The following EBF3 variants were observed in gnomAD, a reference collection of about 807,000 sequenced individuals.
The protein encoded by EBF3 is EBF transcription factor 3.
A neutral mutation model predicts 77.1 loss-of-function variants in EBF3; 18 were observed. The ratio of observed to expected loss-of-function variants is 0.23; its 90% CI spans 0.16 to 0.35. The LOEUF (loss-of-function observed/expected upper bound fraction) is 0.35, where lower values mean the gene tolerates loss of function less well. EBF3 is among the 10% of genes least tolerant of loss of function. The pLI, the probability that EBF3 is intolerant of heterozygous loss-of-function variation, is 1.00. For synonymous variants in EBF3, 350 were observed against 343.5 expected (o/e 1.02, Z -0.21); for missense variants, 558 against 860.0 (o/e 0.65, Z 4.39).
chr10:129,869,734 G>T (rs562506345), intron 8 of EBF3, among the ~76,000 whole-genome samples: 2 of 152,284 alleles, frequency 1.3e-5, no homozygotes, highest in South Asian at 4.1e-4. Flanking sequence ...GACTAGCGGG[G>T]GTTATATTTG....
Position 129,842,271 on chromosome 10 carries a change from G to A in EBF3, c.1217C>T (p.Ala406Val), listed in dbSNP as rs762137265. Residue 406 changes from alanine (A) to valine (V), a missense_variant, in exon 13 of 17, where the codon GCG (alanine) becomes GTG (valine). Around this residue, in one of 5 missense-constraint regions of EBF3, gnomAD observed 284 missense variants for 368.3 expected, o/e 0.77. Transcript: ENST00000440978. This position sits in a 1 kb window ranked among gnomAD's most constrained non-coding sequence, Gnocchi z 4.4. ...NNQEIILKRA[A>V]DIAEALYSVP... ...GCTGTACAGCGCCTCGGCGATGTCC[G>A]CCGCTCGCTTCAAGATGATCTCCTG... 1.1e-5 allele frequency: 18 copies of A among 1,603,348 alleles called. No homozygotes were observed. Among genetic ancestry groups the A allele is most frequent in the Admixed American group, 6.7e-5 (4 of 59,306 alleles).
At chr10:129,892,614 C>T (rs561107549) in intron 6 of EBF3, among the ~76,000 whole-genome samples, 25 of 152,252 alleles carry the variant, frequency 1.6e-4, no homozygotes, top group Admixed American at 5.2e-4. Flanking sequence ...AAGAATCACA[C>T]GAGAGGGTCA....
At chr10:129,951,702 C>T (rs1463585677) in intron 6 of EBF3, among the ~76,000 whole-genome samples, 1 of 152,244 alleles carries the variant, frequency 6.6e-6, no homozygotes, top group Non-Finnish European at 1.5e-5. Context: ...TGACCCACCG[C>T]GGCAGGCGAC....
chr10:129,936,969 G>A (rs1358637834), intron 6 of EBF3, among the ~76,000 whole-genome samples: 2 of 152,146 alleles, frequency 1.3e-5, no homozygotes, highest in African/African-American at 4.8e-5. Context: ...TCCACGGATC[G>A]GACGTGTGAG....
chr10:129,865,970 T>C (rs1851986414), intron 10 of EBF3, among the ~76,000 whole-genome samples: 1 of 152,176 alleles, frequency 6.6e-6, no homozygotes. Flanking sequence ...CCACTGCACA[T>C]GCAGGTCAAG....
In EBF3 at chr10:129,963,583, C is replaced by T; in HGVS notation, c.134+52G>A. On this transcript the variant is annotated intron_variant, in intron 1 of 16. Transcript: ENST00000440978. This position sits in a 1 kb window ranked among gnomAD's most constrained non-coding sequence, Gnocchi z 7.1. ...GCGCGGCGCCGGCCGGCGGAGGGGGCCGGGCCGGGCCGGGGCCGGGGCCAG... is the reference window on the plus strand; with the variant it reads ...GCGCGGCGCCGGCCGGCGGAGGGGGTCGGGCCGGGCCGGGGCCGGGGCCAG... 2.4e-6 allele frequency: 3 copies of T among 1,231,646 alleles called. No homozygotes were observed. Among genetic ancestry groups the T allele is most frequent in the Non-Finnish European group, 2.0e-6 (2 of 980,262 alleles). 76.3% of individuals were successfully genotyped at this position (1,231,646 alleles called of 1,614,324 possible).
chr10:129,852,130 A>G (rs1355811503), intron 10 of EBF3, among the ~76,000 whole-genome samples: 1 of 152,228 alleles, frequency 6.6e-6, no homozygotes, highest in African/African-American at 2.4e-5. Flanking sequence ...AGAGCGGGTC[A>G]TACAAATAGA....
intron 4 of EBF3, among the ~76,000 whole-genome samples, chr10:129,961,197 C>A (rs1285300582): frequency 6.6e-6 from 1 of 152,214 alleles, no homozygotes; most frequent in East Asian, 1.9e-4. Context: ...AAGTTAGCAT[C>A]AAAACCGAAG....
chr10:129,910,575 T>C (rs939410092), intron 6 of EBF3, among the ~76,000 whole-genome samples: 56 of 152,138 alleles, frequency 3.7e-4, no homozygotes, highest in African/African-American at 1.1e-3. Context: ...AATACATCAA[T>C]TCAAGTCCCT....
rs1346013465 is a variant in EBF3, at chr10:129,870,071, C to T, written c.782-2159G>A. 1.3e-5 allele frequency among the ~76,000 whole-genome samples: 2 copies of T among 152,048 alleles called. No individual in the cohort carries two copies. Among genetic ancestry groups the T allele is most frequent in the African/African-American group, 4.8e-5 (2 of 41,398 alleles). On this transcript the variant is annotated intron_variant, in intron 8 of 16. Coordinates refer to ENST00000440978, the MANE Select transcript of EBF3 (RefSeq NM_001375380.1). This position sits in a 1 kb window ranked among gnomAD's most constrained non-coding sequence, Gnocchi z 4.4. ...AAGAATCCAGGATCTACTGCATGCA[C>T]AAGAGACTGCTATCTGGCAGCTGTG...
In EBF3 at chr10:129,963,125, A is replaced by C; in HGVS notation, c.292-120T>G. ...ACACATGGCAGGATTCCTAGCTCGA[A>C]GCAGCGCGGTGATGTCACTTTCCTG... On this transcript the variant is annotated intron_variant, in intron 2 of 16. Coordinates refer to ENST00000440978, the MANE Select transcript of EBF3 (RefSeq NM_001375380.1). This position sits in a 1 kb window ranked among gnomAD's most constrained non-coding sequence, Gnocchi z 7.1. The C allele has an allele frequency of 7.4e-7, 1 of 1,348,462 alleles. No homozygotes were observed. Among genetic ancestry groups the C allele is most frequent in the Non-Finnish European group, 1.1e-6 (1 of 946,678 alleles). The allele number at this position is 1,348,462 out of a possible 1,614,324, so 83.5% of individuals were successfully genotyped here.
At chr10:129,844,649 C>T (rs957825385) in intron 11 of EBF3, among the ~76,000 whole-genome samples, 3 of 152,136 alleles carry the variant, frequency 2.0e-5, no homozygotes, top group Admixed American at 1.3e-4. Flanking sequence ...GCGTGCCATA[C>T]GTTCCCAGGA....
chr10:129,886,807 G>C (rs575277731), intron 6 of EBF3, among the ~76,000 whole-genome samples: 1 of 152,096 alleles, frequency 6.6e-6, no homozygotes, highest in South Asian at 2.1e-4. Flanking sequence ...ACATTAGCAC[G>C]GTTCTCCTAA....
intron 8 of EBF3, among the ~76,000 whole-genome samples, chr10:129,873,015 G>A (rs894732692): frequency 1.3e-5 from 2 of 152,028 alleles, no homozygotes; most frequent in Admixed American, 1.3e-4. Flanking sequence ...CATACACGTG[G>A]ATCACATGCA....
chr10:129,946,965 C>T (rs139620521), intron 6 of EBF3, among the ~76,000 whole-genome samples: 20 of 152,294 alleles, frequency 1.3e-4, no homozygotes, highest in African/African-American at 3.4e-4. Flanking sequence ...CCTCGCTGGC[C>T]GGGGACCTGG....
At chr10:129,922,721 G>A (rs192030238) in intron 6 of EBF3, among the ~76,000 whole-genome samples, 50 of 152,374 alleles carry the variant, frequency 3.3e-4, no homozygotes, top group African/African-American at 1.2e-3. Context: ...GTCACGGACT[G>A]TGAACCCCGA....
In EBF3 at chr10:129,963,230, G is replaced by C; in HGVS notation, c.291+137C>G. 2 of 1,304,308 alleles carry C rather than the reference G, an allele frequency of 1.5e-6. No individual in the cohort carries two copies. Among genetic ancestry groups the C allele is most frequent in the East Asian group, 5.9e-5 (2 of 34,008 alleles). 80.8% of individuals were successfully genotyped at this position (1,304,308 alleles called of 1,614,324 possible). On this transcript the variant is annotated intron_variant, in intron 2 of 16. Transcript: ENST00000440978. The surrounding 1 kb of genome is among the most constrained non-coding windows in gnomAD (Gnocchi z 7.1). The stretch of plus-strand genomic sequence containing the variant: ...GCCCAGCCCTCGGCGGTCCCGGGCG[G>C]CCGCACGTGGCGGCGGCGGGGTGGC...
In EBF3 at chr10:129,930,336, T is replaced by C. The variant is rs953813200; in HGVS notation, c.554+26922A>G. 2.6e-5 allele frequency among the ~76,000 whole-genome samples: 4 copies of C among 152,054 alleles called. No homozygotes were observed. The South Asian group carries it at 6.2e-4, about 24-fold the overall frequency. On this transcript the variant is annotated intron_variant, in intron 6 of 16. Transcript: ENST00000440978. ...TCCCCCTCTCATATATCTATATCTA[T>C]ATCTGTCTATATCTATCTCTATATT...
intron 8 of EBF3, among the ~76,000 whole-genome samples, chr10:129,872,886 CTCTTT>C (rs767557501): frequency 4.6e-5 from 7 of 152,160 alleles, no homozygotes; most frequent in Non-Finnish European, 7.3e-5. Context: ...GGAAACCCTT[CTCTTT>C]TAACAAACAA....
Sources: allele counts gnomAD v4.1 joint callset (sites outside exome capture counted in the v4.1 genomes callset), GRCh38; gene constraint gnomAD v4.1.1; regional missense constraint gnomAD v4.1.1; non-coding constraint Gnocchi (gnomAD v3.1); transcripts MANE v1.5; gene names NCBI Gene and HGNC (gene_info 2026-07-23, HGNC 2026-07-21).